TNS3: variants seen among roughly 807,000 people sequenced by gnomAD.
TNS3 encodes tensin-3.
Under a neutral mutation model 140.9 loss-of-function variants are expected in TNS3, and 45 were observed. The ratio of observed to expected loss-of-function variants is 0.32; its 90% confidence interval spans 0.25 to 0.41. The LOEUF is 0.41. TNS3 is among the 10% of genes least tolerant of loss of function. The pLI is 1.00. For missense variants in TNS3, 1,716 were observed against 1,906.7 expected (o/e 0.90, Z 1.86); for synonymous variants, 815 against 788.4 (o/e 1.03, Z -0.56).
intron 16 of TNS3, among the ~76,000 whole-genome samples, chr7:47,373,322 G>C (rs1791188188): frequency 6.6e-6 from 1 of 152,128 alleles, no homozygotes; most frequent in South Asian, 2.1e-4. Flanking sequence ...ATCTTTCAAG[G>C]GAATGAAAGA....
chr7:47,519,419 T>C (rs1178881334), intron 2 of TNS3, among the ~76,000 whole-genome samples: 2 of 152,142 alleles, frequency 1.3e-5, no homozygotes, highest in Non-Finnish European at 2.9e-5. Context: ...CTCTTAGTAA[T>C]TGTCTCCTTC....
chr7:47,479,730 C>T (rs976110082), intron 4 of TNS3, among the ~76,000 whole-genome samples: 1 of 152,240 alleles, frequency 6.6e-6, no homozygotes, highest in African/African-American at 2.4e-5. Context: ...AAAGAGACCA[C>T]ACCACATGCC....
At chr7:47,280,116 G>A (rs777204854) in intron 30 of TNS3, 48 bp downstream of exon 30, 5 of 1,610,186 alleles carry the variant, frequency 3.1e-6, no homozygotes, top group South Asian at 1.1e-5. Context: ...CAACTTTGGA[G>A]TACAACTGCA....
chr7:47,582,362 T>C (rs989441663), upstream of TNS3: 4 of 453,236 alleles, frequency 8.8e-6, no homozygotes, highest in Admixed American at 2.4e-5. Context: ...ATCAGACCCA[T>C]TGAGCAGCCC....
chr7:47,394,974 A>G (rs1792742356), intron 16 of TNS3, among the ~76,000 whole-genome samples: 1 of 152,242 alleles, frequency 6.6e-6, no homozygotes, highest in South Asian at 2.1e-4. Flanking sequence ...TGCTCCTCAC[A>G]GGAGCTGGGG....
chr7:47,297,290 G>A lies in TNS3; in HGVS notation c.3545-77C>T, dbSNP rs190975614. ...TATGCCCACTCATAACCTTGGGTAG[G>A]TCCTCTCCCCTTACTCTTTTTGCAA... On this transcript the variant is annotated intron_variant, in intron 23 of 30. Transcript: ENST00000311160. 324 of 1,495,990 alleles carry A rather than the reference G, an allele frequency of 2.2e-4. 2 individuals carry two copies. In the East Asian group the frequency reaches 6.3e-3, roughly 29 times the overall value. 92.7% of individuals were successfully genotyped at this position (1,495,990 alleles called of 1,614,324 possible). A position where few individuals can be genotyped will look rare whatever the true frequency, so the allele number is the denominator to read the frequency against.
intron 1 of TNS3, among the ~76,000 whole-genome samples, chr7:47,532,099 T>C (rs1584822471): frequency 6.7e-6 from 1 of 148,910 alleles, no homozygotes; most frequent in African/African-American, 2.5e-5. Flanking sequence ...GGCTCAGGAG[T>C]GTCTATTCTG....
intron 1 of TNS3, among the ~76,000 whole-genome samples, chr7:47,566,375 A>G (rs907513139): frequency 2.0e-5 from 3 of 152,206 alleles, no homozygotes; most frequent in African/African-American, 7.2e-5. Flanking sequence ...GTGCTCTTAC[A>G]GAGTCAGGGT....
intron 4 of TNS3, among the ~76,000 whole-genome samples, chr7:47,477,150 C>T (rs939310865): frequency 1.3e-5 from 2 of 152,180 alleles, no homozygotes; most frequent in South Asian, 2.1e-4. Context: ...CCTGGGATGT[C>T]GGTAAGTATG....
At chr7:47,490,666 C>G (rs965705677) in intron 3 of TNS3, among the ~76,000 whole-genome samples, 1 of 152,222 alleles carries the variant, frequency 6.6e-6, no homozygotes, top group Non-Finnish European at 1.5e-5. Flanking sequence ...ATGGAGACAC[C>G]TACAAGGGGG....
intron 20 of TNS3, among the ~76,000 whole-genome samples, chr7:47,331,581 C>T (rs1228302622): frequency 6.6e-6 from 1 of 152,210 alleles, no homozygotes; most frequent in African/African-American, 2.4e-5. Flanking sequence ...TGACGCCCAT[C>T]GCACACTTGG....
intron 1 of TNS3, among the ~76,000 whole-genome samples, chr7:47,564,799 GC>G (rs1389257759): frequency 2.0e-5 from 3 of 151,908 alleles, no homozygotes; most frequent in Admixed American, 6.6e-5. Context: ...ATATCACTAA[GC>G]TCTTGGCTGC....
At chr7:47,453,349 G>T in intron 4 of TNS3, 1 of 703,470 alleles carries the variant, frequency 1.4e-6, no homozygotes, top group Non-Finnish European at 1.7e-6. Context: ...CCACTAGGGA[G>T]AACCGCCTCT....
At chr7:47,521,178 A>G (rs1438291730) in intron 2 of TNS3, among the ~76,000 whole-genome samples, 1 of 152,122 alleles carries the variant, frequency 6.6e-6, no homozygotes, top group African/African-American at 2.4e-5. Flanking sequence ...CGTCCTGACA[A>G]TGCCCACACT....
intron 20 of TNS3, among the ~76,000 whole-genome samples, chr7:47,308,865 T>C (rs538695783): frequency 6.6e-6 from 1 of 152,342 alleles, no homozygotes; most frequent in South Asian, 2.1e-4. Flanking sequence ...TGGCCTTCAA[T>C]GTCCCTAATG....
At chr7:47,531,725 G>A (rs899053974) in intron 1 of TNS3, among the ~76,000 whole-genome samples, 9 of 152,240 alleles carry the variant, frequency 5.9e-5, no homozygotes, top group African/African-American at 1.7e-4. Flanking sequence ...GCTGCAGCAG[G>A]GAGGTGAGGC....
intron 27 of TNS3, among the ~76,000 whole-genome samples, chr7:47,285,284 G>A (rs1584312132): frequency 6.6e-6 from 1 of 152,198 alleles, no homozygotes; most frequent in Non-Finnish European, 1.5e-5. Context: ...TGATCACTTG[G>A]TGATATGGTT....
At chr7:47,302,036 G>A in intron 23 of TNS3, 150 bp downstream of exon 23, 1 of 631,240 alleles carries the variant, frequency 1.6e-6, no homozygotes, top group Non-Finnish European at 2.8e-6. Context: ...TCCCCAGGAG[G>A]CATGGAATAA....
At chr7:47,486,089 TGTG>T (rs901855720) in intron 3 of TNS3, among the ~76,000 whole-genome samples, 133 of 151,934 alleles carry the variant, frequency 8.8e-4, no homozygotes, top group African/African-American at 2.8e-3. Flanking sequence ...AGTGACTACA[TGTG>T]GTGGTGTCTG....
Sources: gnomAD v4.1 joint callset for allele counts (sites outside exome capture counted in the v4.1 genomes callset) on GRCh38, gnomAD v4.1.1 for gene constraint, MANE v1.5 for transcripts, NCBI Gene and HGNC (gene_info 2026-07-23, HGNC 2026-07-21) for gene names.